Variants in ARHGAP25 observed in about 807,000 individuals in gnomAD.
ARHGAP25 encodes Rho GTPase activating protein 25, also known as rho GTPase-activating protein 25.
ARHGAP25 carries 34 observed loss-of-function variants against 71.0 expected under a neutral mutation model. That is an observed-to-expected ratio of 0.48 (90% CI 0.36 to 0.64). The LOEUF is 0.64. Ranked by LOEUF, ARHGAP25 falls within the 30% of genes least tolerant of loss-of-function variation. ARHGAP25 has a pLI of 0.00. For missense variants in ARHGAP25, 706 were observed against 805.1 expected, an observed-to-expected ratio of 0.88 and a Z score of 1.49; for synonymous variants, 282 against 296.5, an observed-to-expected ratio of 0.95 and a Z score of 0.50.
At chr2:68,799,471 A>G (rs1355178337) in intron 4 of ARHGAP25, among the ~76,000 whole-genome samples, 1 of 152,214 alleles carries the variant, frequency 6.6e-6, no homozygotes, top group Non-Finnish European at 1.5e-5. Context: ...CAACTCTGAA[A>G]GCATTTCCAG....
chr2:68,779,085 A>G (rs1678131293), intron 2 of ARHGAP25, among the ~76,000 whole-genome samples: 1 of 152,166 alleles, frequency 6.6e-6, no homozygotes, highest in African/African-American at 2.4e-5. Flanking sequence ...AGTAGGGTAG[A>G]CCCGTGGTCC....
At chr2:68,805,783 C>T (rs915156479) in intron 4 of ARHGAP25, among the ~76,000 whole-genome samples, 1 of 152,098 alleles carries the variant, frequency 6.6e-6, no homozygotes, top group Non-Finnish European at 1.5e-5. Flanking sequence ...AGGGGACCAA[C>T]GTGAGAGAGA....
At chr2:68,735,642 A>T (rs1675174477) in intron 1 of ARHGAP25, 1 of 209,644 alleles carries the variant, frequency 4.8e-6, no homozygotes, top group Non-Finnish European at 9.5e-6. Context: ...TGAAGTGCTC[A>T]ATCTGTAAGT....
chr2:68,805,184 T>C (rs1333783969), intron 4 of ARHGAP25, among the ~76,000 whole-genome samples: 1 of 152,058 alleles, frequency 6.6e-6, no homozygotes, highest in Non-Finnish European at 1.5e-5. Flanking sequence ...TTCAAGGACA[T>C]GGAGACTGCA....
chr2:68,787,172 C>A lies in ARHGAP25; in HGVS notation c.350-668C>A, dbSNP rs557877851. ...TTTCTGTTCCCTTCAATTTCTCCCA[C>A]CTTTTTGGTCCATTTGAGAACACCA... is the stretch of plus-strand genomic sequence containing the variant. On this transcript the variant is annotated intron_variant, in intron 3 of 10. Coordinates refer to ENST00000409202, the MANE Select transcript of ARHGAP25 (RefSeq NM_001007231.3). Among the ~76,000 whole-genome samples, 4 of 152,308 alleles carry A rather than the reference C, an allele frequency of 2.6e-5. No individual in the cohort carries two copies. The East Asian group carries it at 7.7e-4, about 29-fold the overall frequency.
chr2:68,789,693 G>A, intron 4 of ARHGAP25, among the ~76,000 whole-genome samples: 1 of 152,198 alleles, frequency 6.6e-6, no homozygotes, highest in East Asian at 1.9e-4. Flanking sequence ...GACAAGGGTA[G>A]TGGATGTTGC....
Position 68,817,809 on chromosome 2 carries a change from C to T in ARHGAP25, c.882-64C>T, listed in dbSNP as rs1160940388. On this transcript the variant is annotated intron_variant, in intron 7 of 10. Coordinates refer to ENST00000409202, the MANE Select transcript of ARHGAP25 (RefSeq NM_001007231.3). ...ATCCATCCCTGAGTTCTCATTGGAA[C>T]CCTGTAGTGCTTCCTCCTGGCTACT... 3 of 1,583,278 alleles carry T rather than the reference C, an allele frequency of 1.9e-6. No homozygotes were observed. The East Asian group carries it at 6.8e-5, about 36-fold the overall frequency.
chr2:68,824,435 T>A (rs1681943004), intron 10 of ARHGAP25, among the ~76,000 whole-genome samples: 1 of 152,138 alleles, frequency 6.6e-6, no homozygotes, highest in African/African-American at 2.4e-5. Flanking sequence ...GAAAAGTAGA[T>A]TTGTAATGAG....
chr2:68,790,075 G>A (rs527528548), intron 4 of ARHGAP25, among the ~76,000 whole-genome samples: 1 of 152,218 alleles, frequency 6.6e-6, no homozygotes, highest in Non-Finnish European at 1.5e-5. Flanking sequence ...TGCAACCTCC[G>A]CTTCCAGGGT....
Position 68,735,146 on chromosome 2 carries a change from CA to C in ARHGAP25, c.-51del. The C allele has an allele frequency of 6.8e-7, 1 of 1,462,076 alleles. No individual in the cohort carries two copies. The highest frequency in any genetic ancestry group is 9.6e-7 in the Non-Finnish European group (1 of 1,041,650). The allele number at this position is 1,462,076 out of a possible 1,614,324, so 90.6% of individuals were successfully genotyped here. ...AAAGAGTGAAAAGACAAGAAGGGCG[CA>C]AACTGTGACAGACTCACCGCTTCAC... On this transcript the variant is annotated 5_prime_UTR_variant, in exon 1 of 11. Coordinates refer to ENST00000409202, the MANE Select transcript of ARHGAP25 (RefSeq NM_001007231.3).
intron 2 of ARHGAP25, among the ~76,000 whole-genome samples, chr2:68,776,108 G>C (rs1677888066): frequency 6.7e-6 from 1 of 149,750 alleles, no homozygotes; most frequent in East Asian, 2.0e-4. Context: ...GAGTGTTCCA[G>C]GCAGAGAGAA....
intron 2 of ARHGAP25, among the ~76,000 whole-genome samples, chr2:68,725,929 C>T (rs1404043509): frequency 2.0e-5 from 3 of 152,122 alleles, no homozygotes; most frequent in African/African-American, 7.2e-5. Flanking sequence ...TGGCTTAGGT[C>T]TTTACTCAAA....
chr2:68,717,595 T>C (rs1164527107), intron 2 of ARHGAP25, among the ~76,000 whole-genome samples: 7 of 152,356 alleles, frequency 4.6e-5, no homozygotes, highest in East Asian at 3.9e-4. Flanking sequence ...GTCTGAGCTG[T>C]GAGCAAACCT....
At chr2:68,792,511 C>T (rs1412186116) in intron 4 of ARHGAP25, among the ~76,000 whole-genome samples, 2 of 152,166 alleles carry the variant, frequency 1.3e-5, no homozygotes, top group African/African-American at 4.8e-5. Flanking sequence ...CATGTGATAT[C>T]TTTCTGTGTC....
intron 5 of ARHGAP25, among the ~76,000 whole-genome samples, chr2:68,810,586 G>A (rs146458468): frequency 4.1e-4 from 63 of 152,200 alleles, no homozygotes; most frequent in African/African-American, 1.4e-3. Flanking sequence ...CCATGGTGTA[G>A]CTGTATTTAT....
intron 2 of ARHGAP25, among the ~76,000 whole-genome samples, chr2:68,716,504 C>T (rs1674611825): frequency 1.3e-5 from 2 of 152,150 alleles, no homozygotes; most frequent in African/African-American, 4.8e-5. Flanking sequence ...GAGGGGCTCT[C>T]AGAGCTCCTG....
chr2:68,782,298 G>A lies in ARHGAP25; in HGVS notation c.327G>A (p.Lys109=). The change falls in exon 3 of 11, where the codon AAG becomes AAA. Residue 109 remains lysine, a synonymous_variant. Transcript: ENST00000409202. ...CCACAAACCCAGAAGAAGCTGGGAA[G>A]TTTGTCTTTGAAATCATTCCAGGTA... is the stretch of plus-strand genomic sequence containing the variant. The part of the protein sequence containing the change: ...EIATNPEEAG[K]FVFEIIPASW... The A allele has an allele frequency of 6.2e-7, 1 of 1,614,146 alleles. No individual in the cohort carries two copies. The highest frequency in any genetic ancestry group is 8.5e-7 in the Non-Finnish European group (1 of 1,179,992).
chr2:68,810,766 G>A (rs552652882), intron 5 of ARHGAP25, among the ~76,000 whole-genome samples: 2 of 142,948 alleles, frequency 1.4e-5, no homozygotes, highest in African/African-American at 5.2e-5. Context: ...ACCAAGGCTA[G>A]AGTGCAGTGG....
chr2:68,799,769 G>A (rs1679835715), intron 4 of ARHGAP25, among the ~76,000 whole-genome samples: 1 of 152,204 alleles, frequency 6.6e-6, no homozygotes, highest in East Asian at 1.9e-4. Flanking sequence ...GGGAGGGCTG[G>A]GGCAGGTGCA....
Sources: gnomAD v4.1 joint callset for allele counts (sites outside exome capture counted in the v4.1 genomes callset) on GRCh38, gnomAD v4.1.1 for gene constraint, MANE v1.5 for transcripts, NCBI Gene and HGNC (gene_info 2026-07-23, HGNC 2026-07-21) for gene names.